UGT1A9: variants seen among roughly 807,000 people sequenced by gnomAD.
The protein encoded by UGT1A9 is UDP-glucuronosyltransferase 1A9.
In UGT1A9, 35 loss-of-function variants were observed where a neutral mutation model predicts 45.0. The observed-to-expected ratio is 0.78, with a 90% CI of 0.59 to 1.03. The LOEUF (loss-of-function observed/expected upper bound fraction) is 1.03. Ranked by LOEUF, UGT1A9 falls within the 50% of genes least tolerant of loss-of-function variation. The pLI is 0.00. For synonymous variants in UGT1A9, 278 were observed against 250.6 expected (o/e 1.11, Z -1.03); for missense variants, 687 against 666.6 (o/e 1.03, Z -0.34).
At chr2:233,724,803 C>T (rs1387288842) in intron 1 of UGT1A9, among the ~76,000 whole-genome samples, 2 of 138,308 alleles carry the variant, frequency 1.4e-5, no homozygotes, top group South Asian at 5.4e-4. Flanking sequence ...GGGTGGCGGC[C>T]GGGCAGAGGC....
intron 1 of UGT1A9, 57 bp from the exon 2 acceptor site, chr2:233,766,977 T>C: frequency 1.2e-6 from 2 of 1,612,554 alleles, no homozygotes; most frequent in Non-Finnish European, 1.7e-6. Context: ...ACTTACTGTA[T>C]GTAGTCATCA....
intron 1 of UGT1A9, among the ~76,000 whole-genome samples, chr2:233,681,538 A>G (rs992971730): frequency 1.4e-3 from 211 of 150,806 alleles, no homozygotes; most frequent in Non-Finnish European, 2.3e-3. Context: ...CTCAAAAAAA[A>G]AAAAAAAAAA....
In UGT1A9 at chr2:233,769,728, GCCTGT is replaced by G. The variant is rs1290172672; in HGVS notation, c.1295+1290_1295+1294del. The G allele has an allele frequency of 6.8e-7, 1 of 1,472,430 alleles. No individual in the cohort carries two copies. Among genetic ancestry groups the G allele is most frequent in the African/African-American group, 1.4e-5 (1 of 71,662 alleles). 91.2% of individuals were successfully genotyped at this position (1,472,430 alleles called of 1,614,324 possible). A position where few individuals can be genotyped will look rare whatever the true frequency, so the allele number is the denominator to read the frequency against. On this transcript the variant is annotated intron_variant, in intron 4 of 4. Coordinates refer to ENST00000354728, the MANE Select transcript of UGT1A9 (RefSeq NM_021027.3). This position sits in a 1 kb window ranked among gnomAD's most constrained non-coding sequence, Gnocchi z 4.4. ...ATGTTGGCTAGGCACCATGGCACAC[GCCTGT>G]AGTCCCAGCCACTCTGGAGGCTAAG...
Position 233,769,666 on chromosome 2 carries a change from T to C in UGT1A9, c.1295+1227T>C. 1 of 1,592,264 alleles carries C rather than the reference T, an allele frequency of 6.3e-7. No individual in the cohort carries two copies. The highest frequency in any genetic ancestry group is 8.6e-7 in the Non-Finnish European group (1 of 1,169,428). On this transcript the variant is annotated intron_variant, in intron 4 of 4. Transcript: ENST00000354728. This position sits in a 1 kb window ranked among gnomAD's most constrained non-coding sequence, Gnocchi z 4.4. ...GATGACTGACTTCCCACCTTTGAGG[T>C]GCTAATGTGTGTGTGGTGGCACTGG...
At chr2:233,755,334 C>A (rs1041656249) in intron 1 of UGT1A9, 2 of 456,396 alleles carry the variant, frequency 4.4e-6, no homozygotes, top group Non-Finnish European at 7.5e-6. Flanking sequence ...AGCACCCGCG[C>A]ACAGGTCAGA....
rs115693071 is a variant in UGT1A9 at position 233,730,075 on chromosome 2, T to C, written c.856-36959T>C. ...ATGTATTTATTTAAAATTGCTTCCA[T>C]ATTTACTTATCTTTCCAAATATTTC... On this transcript the variant is annotated intron_variant, in intron 1 of 4. Coordinates refer to ENST00000354728, the MANE Select transcript of UGT1A9 (RefSeq NM_021027.3). 4.0e-4 allele frequency: 646 copies of C among 1,607,268 alleles called. 1 individual carries two copies. In the African/African-American group the frequency reaches 5.1e-3, roughly 13 times the overall value.
intron 1 of UGT1A9, among the ~76,000 whole-genome samples, chr2:233,698,699 A>T (rs2075456064): frequency 6.6e-6 from 1 of 152,252 alleles, no homozygotes; most frequent in Non-Finnish European, 1.5e-5. Flanking sequence ...TCTAAAAAAA[A>T]TGTGCAAAGC....
chr2:233,678,491 C>T (rs1039836797), intron 1 of UGT1A9, among the ~76,000 whole-genome samples: 18 of 151,920 alleles, frequency 1.2e-4, no homozygotes, highest in African/African-American at 2.4e-4. Context: ...TTGGTGTAAC[C>T]TTATGGAAAT....
chr2:233,680,519 T>C (rs1275764705), intron 1 of UGT1A9, among the ~76,000 whole-genome samples: 1 of 152,186 alleles, frequency 6.6e-6, no homozygotes, highest in East Asian at 1.9e-4. Context: ...AATTATGCCC[T>C]GAGGTTGGCT....
intron 1 of UGT1A9, among the ~76,000 whole-genome samples, chr2:233,697,241 T>C (rs1474179923): frequency 6.6e-6 from 1 of 152,172 alleles, no homozygotes; most frequent in Admixed American, 6.5e-5. Flanking sequence ...TTTTTATTAC[T>C]GCTTCAATCT....
chr2:233,743,134 T>TA (rs919324462), intron 1 of UGT1A9: 10 of 357,158 alleles, frequency 2.8e-5, no homozygotes, highest in East Asian at 7.3e-5. Context: ...CTTTCAATCC[T>TA]AAAAAAAGTC....
rs1022651903 is a variant in UGT1A9, at chr2:233,768,540, A to G, written c.1295+101A>G. ...CGTAGCATTTAATAGCGTTGTTTCA[A>G]ATATAAAAACAAATACATAAAAATC... On this transcript the variant is annotated intron_variant, in intron 4 of 4. Transcript: ENST00000354728. The G allele has an allele frequency of 7.3e-6, 11 of 1,497,966 alleles. No individual in the cohort carries two copies. The African/African-American group carries it at 1.4e-4, about 19-fold the overall frequency. The allele number at this position is 1,497,966 out of a possible 1,614,324, so 92.8% of individuals were successfully genotyped here.
intron 1 of UGT1A9, chr2:233,693,359 A>T: frequency 6.2e-7 from 1 of 1,614,208 alleles, no homozygotes; most frequent in Non-Finnish European, 8.5e-7. Context: ...CATGATTGTT[A>T]TTGGCCTGTA....
chr2:233,747,235 C>T, intron 1 of UGT1A9: 2 of 1,604,608 alleles, frequency 1.2e-6, no homozygotes, highest in Non-Finnish European at 1.7e-6. Flanking sequence ...ACCCCAGGTT[C>T]CCCTGCTGTG....
Position 233,769,437 on chromosome 2 carries a change from G to T in UGT1A9, c.1295+998G>T. On this transcript the variant is annotated intron_variant, in intron 4 of 4. Transcript: ENST00000354728. The surrounding 1 kb of genome is among the most constrained non-coding windows in gnomAD (Gnocchi z 4.4). ...TTTGTGCATGTGGCTGTGCTCATGT[G>T]TGGGTGCACACGTGTGCATTCATAT... 1 of 1,560,038 alleles carries T rather than the reference G, an allele frequency of 6.4e-7. No homozygotes were observed. Among genetic ancestry groups the T allele is most frequent in the Non-Finnish European group, 8.8e-7 (1 of 1,136,330 alleles).
intron 1 of UGT1A9, chr2:233,754,450 G>A (rs1695489030): frequency 5.7e-6 from 2 of 352,214 alleles, no homozygotes; most frequent in Non-Finnish European, 1.1e-5. Context: ...TAAATTCTTG[G>A]GTACAGCTGT....
At chr2:233,681,075 T>C (rs1248769670) in intron 1 of UGT1A9, among the ~76,000 whole-genome samples, 5 of 151,788 alleles carry the variant, frequency 3.3e-5, no homozygotes, top group Non-Finnish European at 5.9e-5. Context: ...GTCACAATTG[T>C]GGCTCACCTG....
In UGT1A9 at chr2:233,719,323, C is replaced by G. The variant is rs760645007; in HGVS notation, c.855+46534C>G. On this transcript the variant is annotated intron_variant, in intron 1 of 4. Coordinates refer to ENST00000354728, the MANE Select transcript of UGT1A9 (RefSeq NM_021027.3). ...GTGCTGGCTAAGTACCTGTCGATTC[C>G]TGCTGTGTTTTTTTGGAGGTACATT... 1.2e-5 allele frequency: 20 copies of G among 1,613,830 alleles called. No individual in the cohort carries two copies. In the South Asian group the frequency reaches 2.2e-4, roughly 18 times the overall value.
intron 1 of UGT1A9, among the ~76,000 whole-genome samples, chr2:233,749,893 C>T (rs141027223): frequency 6.6e-6 from 1 of 151,938 alleles, no homozygotes; most frequent in African/African-American, 2.4e-5. Context: ...GAGGCTCCCC[C>T]CTCCAGCCAC....
Sources: gnomAD v4.1 joint callset for allele counts (sites outside exome capture counted in the v4.1 genomes callset) on GRCh38, gnomAD v4.1.1 for gene constraint, Gnocchi (gnomAD v3.1) non-coding constraint, MANE v1.5 for transcripts, NCBI Gene and HGNC (gene_info 2026-07-23, HGNC 2026-07-21) for gene names.